OSBPL8: variants seen among roughly 807,000 people sequenced by gnomAD.
OSBPL8 encodes oxysterol binding protein like 8, also known as oxysterol-binding protein-related protein 8.
A neutral mutation model predicts 125.5 loss-of-function variants in OSBPL8; 59 were observed. The ratio of observed to expected loss-of-function variants is 0.47; its 90% CI spans 0.38 to 0.58. OSBPL8 has a LOEUF of 0.58. OSBPL8 is among the 20% of genes least tolerant of loss of function. The probability of loss-of-function intolerance (pLI) is 0.00; values close to 1 mark genes in which losing one functional copy is unlikely to be tolerated. For synonymous variants in OSBPL8, 330 were observed against 338.9 expected, an observed-to-expected ratio of 0.97 and a Z score of 0.29; for missense variants, 758 against 1,047.8, an observed-to-expected ratio of 0.72 and a Z score of 3.82.
chr12:76,356,485 T>C, intron 23 of OSBPL8, 141 bp downstream of exon 23: 1 of 546,048 alleles, frequency 1.8e-6, no homozygotes, highest in Non-Finnish European at 3.1e-6. Context: ...GTGTCAAACA[T>C]CAGGTGATAG....
In OSBPL8 at chr12:76,488,381, A is replaced by T. The variant is rs143191464; in HGVS notation, c.-67-763T>A. Among the ~76,000 whole-genome samples, 491 of 152,288 alleles carry T rather than the reference A, an allele frequency of 3.2e-3. 6 individuals are homozygous for T. Among genetic ancestry groups the T allele is most frequent in the African/African-American group, 0.011 (447 of 41,558 alleles). ...TTCCATTTTTACCATGAATATGTAT[A>T]TCTACAGGCATGCCTTGTTTTATTG... is the stretch of plus-strand genomic sequence containing the variant. On this transcript the variant is annotated intron_variant, in intron 1 of 23. Transcript: ENST00000261183.
At position 76,394,637 on chromosome 12, in the gene OSBPL8, A is replaced by G. The variant is rs748307419; in HGVS notation, c.757+8T>C. 6.2e-7 allele frequency: 1 copy of G among 1,606,986 alleles called. No homozygotes were observed. The highest frequency in any genetic ancestry group is 1.7e-5 in the Admixed American group (1 of 58,864). ...ACCAAAATCCAATCCATCAAAAACTATACTTACCATCTGACTCTGAAGTAG... is the reference window on the plus strand; with the variant it reads ...ACCAAAATCCAATCCATCAAAAACTGTACTTACCATCTGACTCTGAAGTAG... On this transcript the variant is annotated splice_region_variant and intron_variant, in intron 9 of 23. Coordinates refer to ENST00000261183, the MANE Select transcript of OSBPL8 (RefSeq NM_020841.5).
At chr12:76,468,275 G>T (rs1213906583) in intron 2 of OSBPL8, among the ~76,000 whole-genome samples, 1 of 152,076 alleles carries the variant, frequency 6.6e-6, no homozygotes, top group Non-Finnish European at 1.5e-5. Context: ...AACACTGATA[G>T]TTAAAATATT....
chr12:76,483,390 C>T (rs1467753644), intron 2 of OSBPL8, among the ~76,000 whole-genome samples: 2 of 151,534 alleles, frequency 1.3e-5, no homozygotes, highest in South Asian at 2.1e-4. Flanking sequence ...GGTGAAACCC[C>T]GTCTCTACTA....
At chr12:76,446,355 A>C (rs1337287847) in intron 4 of OSBPL8, among the ~76,000 whole-genome samples, 6 of 152,304 alleles carry the variant, frequency 3.9e-5, no homozygotes, top group African/African-American at 1.4e-4. Context: ...CCTCCTACAC[A>C]TGAAAACTGT....
At chr12:76,392,260 T>A (rs1953593687) in intron 10 of OSBPL8, among the ~76,000 whole-genome samples, 1 of 152,160 alleles carries the variant, frequency 6.6e-6, no homozygotes, top group East Asian at 1.9e-4. Flanking sequence ...TTGAAGAATA[T>A]ATAGACAGGA....
chr12:76,402,816 C>T (rs201881478), intron 5 of OSBPL8, 50 bp from the exon 6 acceptor site: 54 of 1,188,220 alleles, frequency 4.5e-5, no homozygotes, highest in African/African-American at 3.7e-4. Flanking sequence ...ATTTTCTACA[C>T]GTCGCATAAA....
chr12:76,497,592 G>A (rs1053117740), intron 1 of OSBPL8, among the ~76,000 whole-genome samples: 1 of 152,158 alleles, frequency 6.6e-6, no homozygotes, highest in Admixed American at 6.5e-5. Flanking sequence ...GAAGCAGTAT[G>A]TTCCCTGTAT....
At chr12:76,361,838 C>T (rs971605264) in intron 21 of OSBPL8, among the ~76,000 whole-genome samples, 3 of 152,114 alleles carry the variant, frequency 2.0e-5, no homozygotes, top group Non-Finnish European at 4.4e-5. Context: ...CCGGGTCCCT[C>T]CCACAGCATG....
At chr12:76,555,572 T>C (rs1185049220) in intron 1 of OSBPL8, among the ~76,000 whole-genome samples, 3 of 152,230 alleles carry the variant, frequency 2.0e-5, no homozygotes, top group Non-Finnish European at 4.4e-5. Context: ...TCCTCCTATG[T>C]GTGACACATT....
intron 4 of OSBPL8, among the ~76,000 whole-genome samples, chr12:76,445,177 T>C (rs1005377307): frequency 3.3e-5 from 5 of 152,154 alleles, no homozygotes; most frequent in Admixed American, 3.3e-4. Context: ...GAGGCTGTGG[T>C]ACTACTCAGT....
chr12:76,558,032 T>C (rs563056381), intron 1 of OSBPL8, among the ~76,000 whole-genome samples: 2 of 152,284 alleles, frequency 1.3e-5, no homozygotes, highest in Admixed American at 6.5e-5. Context: ...TTGATGTCCA[T>C]AATTAAAGAC....
At chr12:76,418,084 C>T (rs1464316866) in intron 4 of OSBPL8, among the ~76,000 whole-genome samples, 2 of 137,166 alleles carry the variant, frequency 1.5e-5, no homozygotes, top group Admixed American at 1.7e-4. Context: ...GGCACAATCT[C>T]AGCTCACCAC....
chr12:76,475,531 T>C (rs1167410751), intron 2 of OSBPL8, among the ~76,000 whole-genome samples: 1 of 152,230 alleles, frequency 6.6e-6, no homozygotes, highest in Non-Finnish European at 1.5e-5. Flanking sequence ...GTGACAAAGA[T>C]CTTAATATGA....
Position 76,390,244 on chromosome 12 carries a change from T to C in OSBPL8, c.1167+176A>G. The C allele has an allele frequency of 5.4e-6, 3 of 552,700 alleles. No individual in the cohort carries two copies. In the East Asian group the frequency reaches 8.5e-5, roughly 16 times the overall value. The allele number at this position is 552,700 out of a possible 1,614,324, so 34.2% of individuals were successfully genotyped here. A position where few individuals can be genotyped will look rare whatever the true frequency, so the allele number is the denominator to read the frequency against. ...TAGAATATATTGGTATTTATGTGAG[T>C]ATATGTGTTTAGTTGTTTGTAAATC... On this transcript the variant is annotated intron_variant, in intron 11 of 23. Transcript: ENST00000261183.
chr12:76,379,339 T>C (rs914811285), intron 15 of OSBPL8, among the ~76,000 whole-genome samples: 1 of 152,114 alleles, frequency 6.6e-6, no homozygotes, highest in African/African-American at 2.4e-5. Context: ...TTCTTCTAAG[T>C]TTTCTCCTGT....
At chr12:76,416,315 C>T (rs894078782) in intron 4 of OSBPL8, among the ~76,000 whole-genome samples, 3 of 151,898 alleles carry the variant, frequency 2.0e-5, no homozygotes, top group African/African-American at 7.2e-5. Context: ...TTGAAACTTA[C>T]TTTATGGCAC....
chr12:76,389,536 G>GTC, intron 12 of OSBPL8, 109 bp downstream of exon 12: 1 of 847,930 alleles, frequency 1.2e-6, no homozygotes, highest in Non-Finnish European at 1.8e-6. Context: ...AGAGAGTGAT[G>GTC]TCTCATTAGA....
intron 3 of OSBPL8, among the ~76,000 whole-genome samples, chr12:76,453,279 C>G (rs938044546): frequency 4.6e-5 from 7 of 152,018 alleles, no homozygotes; most frequent in Non-Finnish European, 8.8e-5. Context: ...GTCAATAAAC[C>G]AACTTTATAT....
Sources: allele counts gnomAD v4.1 joint callset (sites outside exome capture counted in the v4.1 genomes callset), GRCh38; gene constraint gnomAD v4.1.1; transcripts MANE v1.5; gene names NCBI Gene and HGNC (gene_info 2026-07-23, HGNC 2026-07-21).